Variants in MMP26 observed in about 807,000 individuals in gnomAD.
MMP26 encodes matrix metallopeptidase 26.
Under a neutral mutation model 31.0 loss-of-function variants are expected in MMP26, and 33 were observed. The observed-to-expected ratio is 1.06, with a 90% CI of 0.81 to 1.42. The LOEUF is 1.42. MMP26 is among the 40% of genes most tolerant of loss of function. The pLI is 0.00. For missense variants in MMP26, 347 were observed against 316.1 expected, an observed-to-expected ratio of 1.10 and a Z score of -0.74; for synonymous variants, 122 against 114.9, an observed-to-expected ratio of 1.06 and a Z score of -0.40.
intron 2 of MMP26, chr11:4,915,059 A>T: frequency 1.2e-6 from 2 of 1,614,120 alleles, no homozygotes; most frequent in Non-Finnish European, 1.7e-6. Context: ...CATGCCGTAG[A>T]TGCTGTTGGC....
chr11:4,960,738 A>G (rs530412584), intron 2 of MMP26, among the ~76,000 whole-genome samples: 3 of 152,272 alleles, frequency 2.0e-5, no homozygotes, highest in South Asian at 2.1e-4. Context: ...AAAAATATTT[A>G]AAATATATTT....
In MMP26 at chr11:4,848,895, C is replaced by T. The variant is rs770509199; in HGVS notation, c.-145+81554C>T. ...ATGGATAAAAACCATCTGTAGAAGG[C>T]AGGCTGAGGCAGGGACAGTGTGAGC... On this transcript the variant is annotated intron_variant, in intron 2 of 7. Transcript: ENST00000380390. The T allele has an allele frequency of 6.8e-6, 11 of 1,613,988 alleles. No individual in the cohort carries two copies. The Admixed American group carries it at 1.5e-4, about 22-fold the overall frequency.
At chr11:4,868,986 A>C (rs1376709476) in intron 2 of MMP26, among the ~76,000 whole-genome samples, 1 of 152,210 alleles carries the variant, frequency 6.6e-6, no homozygotes, top group African/African-American at 2.4e-5. Context: ...CCTATTTAAT[A>C]AATGGAGCTG....
chr11:4,853,135 A>G (rs1849998442), intron 2 of MMP26, among the ~76,000 whole-genome samples: 1 of 152,228 alleles, frequency 6.6e-6, no homozygotes, highest in Non-Finnish European at 1.5e-5. Context: ...AATGTACAGC[A>G]TGATGATTAT....
chr11:4,797,897 C>T (rs567562154), intron 2 of MMP26, among the ~76,000 whole-genome samples: 3 of 152,256 alleles, frequency 2.0e-5, no homozygotes, highest in Admixed American at 6.5e-5. Flanking sequence ...GCTTGTTTTT[C>T]CCATTCTCTG....
chr11:4,903,177 C>A (rs529278495), intron 2 of MMP26, among the ~76,000 whole-genome samples: 2 of 152,050 alleles, frequency 1.3e-5, no homozygotes, highest in Middle Eastern at 3.4e-3. Context: ...GTGAATAAAA[C>A]GCAGGATACT....
At chr11:4,821,927 C>T (rs1284476091) in intron 2 of MMP26, 2 of 1,613,946 alleles carry the variant, frequency 1.2e-6, no homozygotes, top group Non-Finnish European at 8.5e-7. Flanking sequence ...AAGAGGTTGT[C>T]CTTCTGCAGT....
intron 2 of MMP26, among the ~76,000 whole-genome samples, chr11:4,981,891 A>G (rs1846818664): frequency 6.6e-6 from 1 of 151,630 alleles, no homozygotes; most frequent in African/African-American, 2.4e-5. Context: ...AGGCCTACAC[A>G]GGCTCAGGAT....
Position 4,824,189 on chromosome 11 carries a change from A to G in MMP26, c.-145+56848A>G, listed in dbSNP as rs190381102. ...ATACATGAAGTGACTTAAATATTTAAACAGGTTAAGGGATCATGACTTCCC... is the reference window on the plus strand; with the variant it reads ...ATACATGAAGTGACTTAAATATTTAGACAGGTTAAGGGATCATGACTTCCC... On this transcript the variant is annotated intron_variant, in intron 2 of 7. Coordinates refer to ENST00000380390, the MANE Select transcript of MMP26 (RefSeq NM_021801.5). 3.0e-4 allele frequency among the ~76,000 whole-genome samples: 45 copies of G among 152,206 alleles called. 1 individual carries two copies. In the East Asian group the frequency reaches 8.5e-3, roughly 29 times the overall value.
chr11:4,774,975 C>T (rs558011638), intron 2 of MMP26, among the ~76,000 whole-genome samples: 15 of 152,142 alleles, frequency 9.9e-5, no homozygotes, highest in African/African-American at 3.6e-4. Flanking sequence ...CTATTCTGAT[C>T]CATTGGTCTA....
intron 2 of MMP26, chr11:4,878,266 CT>C: frequency 6.6e-6 from 1 of 152,174 alleles, no homozygotes. Flanking sequence ...TTTTTAATAA[CT>C]TTTTTGAGAA....
intron 2 of MMP26, chr11:4,769,793 G>C (rs1237860010): frequency 1.2e-6 from 2 of 1,613,440 alleles, no homozygotes; most frequent in African/African-American, 1.3e-5. Flanking sequence ...GCTGTTCCCA[G>C]AGAGGGCAAT....
At chr11:4,769,337 ATG>A (rs1214740531) in intron 2 of MMP26, 1 of 1,613,670 alleles carries the variant, frequency 6.2e-7, no homozygotes, top group East Asian at 2.2e-5. Context: ...ATTTGCCCGA[ATG>A]TCTGAACATG....
At chr11:4,771,548 A>C (rs1044764748) in intron 2 of MMP26, among the ~76,000 whole-genome samples, 1 of 152,218 alleles carries the variant, frequency 6.6e-6, no homozygotes, top group African/African-American at 2.4e-5. Flanking sequence ...TTCCAAGAAT[A>C]ATTTTGTCAA....
At chr11:4,975,413 T>C (rs1010487649) in intron 2 of MMP26, among the ~76,000 whole-genome samples, 2 of 152,012 alleles carry the variant, frequency 1.3e-5, no homozygotes, top group Non-Finnish European at 2.9e-5. Context: ...TCCCAAGTCT[T>C]GCTTCTGATA....
chr11:4,776,014 G>T (rs534252309), intron 2 of MMP26, among the ~76,000 whole-genome samples: 2 of 152,148 alleles, frequency 1.3e-5, no homozygotes, highest in Admixed American at 1.3e-4. Context: ...TGTAAACATT[G>T]TTTAGCTCTC....
At chr11:4,882,727 C>A (rs1850493391) in intron 2 of MMP26, 1 of 1,613,814 alleles carries the variant, frequency 6.2e-7, no homozygotes, top group Non-Finnish European at 8.5e-7. Flanking sequence ...TGCTCTGTAG[C>A]ACTTTGGCCA....
At chr11:4,835,090 G>C (rs1022087489) in intron 2 of MMP26, among the ~76,000 whole-genome samples, 3 of 151,684 alleles carry the variant, frequency 2.0e-5, no homozygotes, top group Non-Finnish European at 2.9e-5. Context: ...ATATGTACTT[G>C]TTTTATAAAT....
chr11:4,943,877 C>T (rs770555622), intron 2 of MMP26: 4 of 448,508 alleles, frequency 8.9e-6, no homozygotes, highest in South Asian at 6.4e-5. Flanking sequence ...CCCTAAAATA[C>T]AGATGATCTT....
Sources: allele counts gnomAD v4.1 joint callset (sites outside exome capture counted in the v4.1 genomes callset), GRCh38; gene constraint gnomAD v4.1.1; transcripts MANE v1.5; gene names NCBI Gene and HGNC (gene_info 2026-07-23, HGNC 2026-07-21).